The following FPR3 variants were observed in gnomAD, a reference collection of about 807,000 sequenced individuals.
FPR3 encodes the protein formyl peptide receptor 3.
For synonymous variants in FPR3, 135 were observed against 163.6 expected (o/e 0.83, Z 1.34); for missense variants, 346 against 443.2 (o/e 0.78, Z 1.97).
chr19:51,816,390 G>A (rs1178370622), intron 1 of FPR3, among the ~76,000 whole-genome samples: 6 of 152,046 alleles, frequency 3.9e-5, no homozygotes, highest in Non-Finnish European at 8.8e-5. Context: ...TGGAATTACT[G>A]GCATGTGCCA....
chr19:51,810,349 C>T (rs866078435), intron 1 of FPR3, among the ~76,000 whole-genome samples: 4 of 152,114 alleles, frequency 2.6e-5, no homozygotes, highest in Non-Finnish European at 4.4e-5. Flanking sequence ...TTTCTGCAGC[C>T]GTGGTATGAG....
intron 1 of FPR3, among the ~76,000 whole-genome samples, chr19:51,810,119 T>C (rs965590374): frequency 3.3e-5 from 5 of 152,204 alleles, no homozygotes; most frequent in South Asian, 2.1e-4. Flanking sequence ...TTCACAATTA[T>C]AACATTTTCC....
intron 1 of FPR3, among the ~76,000 whole-genome samples, chr19:51,800,145 G>T (rs544901508): frequency 4.0e-4 from 61 of 152,360 alleles, no homozygotes; most frequent in African/African-American, 1.4e-3. Context: ...AACTGCACCT[G>T]AGTCCCCAGG....
Position 51,824,579 on chromosome 19 carries a change from C to T in FPR3, c.831C>T (p.Tyr277=). 1 of 1,614,136 alleles carries T rather than the reference C, an allele frequency of 6.2e-7. No individual in the cohort carries two copies. Among genetic ancestry groups the T allele is most frequent in the South Asian group, 1.1e-5 (1 of 91,074 alleles). ...AAGAGATGTTGTTAAATGGCAAATA[C>T]AAAATCATTCTTGTCCTGATTAACC... The part of the protein sequence containing the change: ...WLKEMLLNGK[Y]KIILVLINPT... Residue 277 remains tyrosine, a synonymous_variant, in exon 2 of 2, where the codon TAC becomes TAT. Transcript: ENST00000339223. The surrounding 1 kb of genome is among the most constrained non-coding windows in gnomAD (Gnocchi z 4.7).
At chr19:51,814,206 T>C (rs566986654) in intron 1 of FPR3, among the ~76,000 whole-genome samples, 1 of 152,354 alleles carries the variant, frequency 6.6e-6, no homozygotes, top group East Asian at 1.9e-4. Context: ...TCCACTTGTC[T>C]TCATGGTTGT....
intron 1 of FPR3, among the ~76,000 whole-genome samples, chr19:51,806,391 T>G (rs1194382652): frequency 6.6e-6 from 1 of 152,240 alleles, no homozygotes; most frequent in Non-Finnish European, 1.5e-5. Flanking sequence ...CATAACACTT[T>G]CAGATAAACT....
At chr19:51,812,450 T>A (rs1235704222) in intron 1 of FPR3, among the ~76,000 whole-genome samples, 1 of 152,190 alleles carries the variant, frequency 6.6e-6, no homozygotes, top group African/African-American at 2.4e-5. Flanking sequence ...ATATCTAACA[T>A]CTAATATTAT....
chr19:51,797,070 A>T (rs988748278), intron 1 of FPR3, among the ~76,000 whole-genome samples: 1 of 152,220 alleles, frequency 6.6e-6, no homozygotes, highest in Admixed American at 6.5e-5. Context: ...TCTCTTGGAT[A>T]TATCTCATGG....
At chr19:51,805,506 G>A (rs533804931) in intron 1 of FPR3, among the ~76,000 whole-genome samples, 2 of 152,150 alleles carry the variant, frequency 1.3e-5, no homozygotes, top group African/African-American at 2.4e-5. Flanking sequence ...AAGGTCCCAC[G>A]GATACTCACT....
At chr19:51,803,751 A>C (rs145905409) in intron 1 of FPR3, 1 of 152,322 alleles carries the variant, frequency 6.6e-6, no homozygotes, top group East Asian at 1.9e-4. Flanking sequence ...CAGATGGGCT[A>C]ATTAATAGAC....
intron 1 of FPR3, among the ~76,000 whole-genome samples, chr19:51,810,023 A>G (rs1246745286): frequency 2.0e-5 from 3 of 152,104 alleles, no homozygotes; most frequent in Admixed American, 2.0e-4. Context: ...AAGTCCTGGC[A>G]TTTTTTCCAC....
At position 51,826,046 on chromosome 19, in the gene FPR3, T is replaced by A. The variant is rs540292850; in HGVS notation, c.*1236T>A. The A allele has an allele frequency of 6.1e-6, 1 of 164,072 alleles. No individual in the cohort carries two copies. The highest frequency in any genetic ancestry group is 6.5e-5 in the Admixed American group (1 of 15,308). The allele number at this position is 164,072 out of a possible 1,614,324, so 10.2% of individuals were successfully genotyped here. On this transcript the variant is annotated 3_prime_UTR_variant, in exon 2 of 2. Coordinates refer to ENST00000339223, the MANE Select transcript of FPR3 (RefSeq NM_002030.5). ...TTTTATTGTTTAAATCATGAATGAA[T>A]GTTGAATTTTATTAAATGCAGTTTC...
chr19:51,803,970 C>G (rs952959966), intron 1 of FPR3: 2 of 152,146 alleles, frequency 1.3e-5, no homozygotes, highest in African/African-American at 4.8e-5. Flanking sequence ...CACAAAGAAA[C>G]TTCAACATAA....
At chr19:51,799,668 C>T (rs116022989) in intron 1 of FPR3, among the ~76,000 whole-genome samples, 2,032 of 152,310 alleles carry the variant, frequency 0.013, 51 homozygotes, top group African/African-American at 0.047. Context: ...TTCCAGTGAC[C>T]GTGGACGGCT....
At chr19:51,808,610 C>T (rs538328489) in intron 1 of FPR3, among the ~76,000 whole-genome samples, 5 of 152,218 alleles carry the variant, frequency 3.3e-5, no homozygotes, top group Admixed American at 2.0e-4. Context: ...TAATAGAAGG[C>T]ACAGAGAATG....
chr19:51,810,752 A>C (rs1372299356), intron 1 of FPR3, among the ~76,000 whole-genome samples: 1 of 152,186 alleles, frequency 6.6e-6, no homozygotes, highest in African/African-American at 2.4e-5. Context: ...TAGCAATCCT[A>C]AGGTCAACCG....
intron 1 of FPR3, among the ~76,000 whole-genome samples, chr19:51,808,477 T>C (rs1599833214): frequency 6.6e-6 from 1 of 152,342 alleles, no homozygotes; most frequent in South Asian, 2.1e-4. Context: ...ATGTAAGCAG[T>C]AGGAAACATA....
At chr19:51,818,342 C>T (rs942526974) in intron 1 of FPR3, among the ~76,000 whole-genome samples, 5 of 152,304 alleles carry the variant, frequency 3.3e-5, no homozygotes, top group African/African-American at 1.2e-4. Context: ...TCTGTTTACA[C>T]ATGGTTACCT....
chr19:51,814,992 T>C (rs113886405), intron 1 of FPR3, among the ~76,000 whole-genome samples: 3,191 of 151,254 alleles, frequency 0.021, 124 homozygotes, highest in African/African-American at 0.074. Flanking sequence ...GTATTTTTAG[T>C]AGAGGCGGGG....
Sources: allele counts gnomAD v4.1 joint callset (sites outside exome capture counted in the v4.1 genomes callset), GRCh38; gene constraint gnomAD v4.1.1; non-coding constraint Gnocchi (gnomAD v3.1); transcripts MANE v1.5; gene names NCBI Gene and HGNC (gene_info 2026-07-23, HGNC 2026-07-21).